The following MALRD1 variants were observed in gnomAD, a reference collection of about 807,000 sequenced individuals.
MALRD1 encodes MAM and LDL-receptor class A domain-containing protein 1.
A neutral mutation model predicts 242.1 loss-of-function variants in MALRD1; 247 were observed. The ratio of observed to expected loss-of-function variants is 1.02; its 90% CI spans 0.92 to 1.13. The LOEUF (loss-of-function observed/expected upper bound fraction) is 1.13, where lower values mean the gene tolerates loss of function less well. Ranked by LOEUF, MALRD1 falls within the 50% of genes most tolerant of loss-of-function variation. The probability of loss-of-function intolerance (pLI) is 0.00; values close to 1 mark genes in which losing one functional copy is unlikely to be tolerated. For synonymous variants in MALRD1, 995 were observed against 866.6 expected, an observed-to-expected ratio of 1.15 and a Z score of -2.60; for missense variants, 2,989 against 2,533.1, an observed-to-expected ratio of 1.18 and a Z score of -3.86.
chr10:19,396,031 T>G (rs1327443451), intron 28 of MALRD1, among the ~76,000 whole-genome samples: 3 of 152,184 alleles, frequency 2.0e-5, no homozygotes, highest in Non-Finnish European at 4.4e-5. Flanking sequence ...TTATCACTAT[T>G]ATTGTTGCCA....
intron 28 of MALRD1, among the ~76,000 whole-genome samples, chr10:19,437,387 T>G (rs776699761): frequency 6.6e-6 from 1 of 152,134 alleles, no homozygotes; most frequent in Non-Finnish European, 1.5e-5. Flanking sequence ...AGTAAATAAC[T>G]TCCAATTTCT....
Position 19,209,669 on chromosome 10 carries a change from C to T in MALRD1, c.2980C>T (p.Gln994Ter). The T allele has an allele frequency of 6.5e-7, 1 of 1,547,598 alleles. No individual in the cohort carries two copies. The highest frequency in any genetic ancestry group is 8.7e-7 in the Non-Finnish European group (1 of 1,145,290). ...IRKHLNISSRQPFQILVEASV... is the reference protein window; with the variant it reads ...IRKHLNISSR Reference sequence around the variant, plus strand: ...GAAACACCTCAACATTTCCAGCAGGCAGCCCTTTCAGGTATGGATAATAGA... The same window carrying T: ...GAAACACCTCAACATTTCCAGCAGGTAGCCCTTTCAGGTATGGATAATAGA... Residue 994 changes from glutamine to a stop codon, truncating the protein, a stop_gained, in exon 18 of 40, where the codon CAG (glutamine) becomes TAG (stop). Transcript: ENST00000454679. LOFTEE classifies it high-confidence loss of function.
chr10:19,583,876 C>G (rs1187827365), intron 33 of MALRD1, among the ~76,000 whole-genome samples: 2 of 152,072 alleles, frequency 1.3e-5, no homozygotes, highest in Non-Finnish European at 2.9e-5. Context: ...GGTTGGTAAG[C>G]TATTGATTAT....
chr10:19,210,213 C>A (rs2245151), intron 18 of MALRD1, among the ~76,000 whole-genome samples: 132,627 of 152,230 alleles, frequency 0.87, 57,931 homozygotes, highest in African/African-American at 0.94. Context: ...CAGTCTTATT[C>A]TAGCAAGCTC....
At chr10:19,183,364 T>A (rs575000580) in intron 14 of MALRD1, among the ~76,000 whole-genome samples, 18 of 152,156 alleles carry the variant, frequency 1.2e-4, no homozygotes, top group Admixed American at 4.6e-4. Context: ...GATTCTAATG[T>A]TGAACAAATG....
intron 8 of MALRD1, among the ~76,000 whole-genome samples, chr10:19,129,779 A>G (rs1444694649): frequency 6.7e-6 from 1 of 148,640 alleles, no homozygotes; most frequent in Non-Finnish European, 1.5e-5. Flanking sequence ...TAATATATTT[A>G]TTATTTTATG....
At chr10:19,537,884 T>G (rs1315582675) in intron 32 of MALRD1, among the ~76,000 whole-genome samples, 2 of 152,126 alleles carry the variant, frequency 1.3e-5, no homozygotes, top group Non-Finnish European at 2.9e-5. Flanking sequence ...TTCAGTCCAT[T>G]GCACAGGGAG....
At chr10:19,336,983 A>C (rs994799511) in intron 24 of MALRD1, among the ~76,000 whole-genome samples, 2 of 152,122 alleles carry the variant, frequency 1.3e-5, no homozygotes, top group Non-Finnish European at 2.9e-5. Flanking sequence ...AACAGAAAAA[A>C]TATCCTGTTC....
chr10:19,501,916 C>A (rs1837990145), intron 31 of MALRD1, among the ~76,000 whole-genome samples: 1 of 150,788 alleles, frequency 6.6e-6, no homozygotes, highest in Admixed American at 6.6e-5. Flanking sequence ...GTTGTCCCCA[C>A]TACTCGGGAG....
chr10:19,059,373 A>G (rs1041715255), intron 1 of MALRD1, among the ~76,000 whole-genome samples: 7 of 151,796 alleles, frequency 4.6e-5, no homozygotes, highest in Non-Finnish European at 1.0e-4. Context: ...CTAAAATAGC[A>G]TCTATTGTTT....
At chr10:19,539,908 GTGCGCGCACACA>G (rs781147059) in intron 32 of MALRD1, among the ~76,000 whole-genome samples, 1,193 of 23,954 alleles carry the variant, frequency 0.05, 45 homozygotes, top group South Asian at 0.078. Context: ...GCGCGCGCGC[GTGCGCGCACACA>G]CGCGCAGTGA....
chr10:19,464,609 T>C lies in MALRD1; in HGVS notation c.5029+14119T>C, dbSNP rs562239748. ...ACCACTACCATGCTGTTTTGGTGAC[T>C]ATGGCCATATAGTAAAGTTTGAAGT... is the stretch of plus-strand genomic sequence containing the variant. On this transcript the variant is annotated intron_variant, in intron 29 of 39. Transcript: ENST00000454679. Among the ~76,000 whole-genome samples, 5 of 152,320 alleles carry C rather than the reference T, an allele frequency of 3.3e-5. No homozygotes were observed. The East Asian group carries it at 9.6e-4, about 29-fold the overall frequency.
intron 33 of MALRD1, among the ~76,000 whole-genome samples, chr10:19,574,926 G>A (rs1564451896): frequency 6.6e-6 from 1 of 152,166 alleles, no homozygotes; most frequent in African/African-American, 2.4e-5. Context: ...ACTACTGGGC[G>A]TGTCTTTGAA....
intron 14 of MALRD1, among the ~76,000 whole-genome samples, chr10:19,182,555 C>T (rs1001292606): frequency 6.6e-6 from 1 of 151,792 alleles, no homozygotes; most frequent in African/African-American, 2.4e-5. Context: ...TGGTCTCGAT[C>T]TCCTGACCTC....
chr10:19,073,686 A>T (rs958752631), intron 2 of MALRD1, among the ~76,000 whole-genome samples: 2 of 152,138 alleles, frequency 1.3e-5, no homozygotes, highest in African/African-American at 4.8e-5. Context: ...AATATTTCAA[A>T]ATGTGAAAAA....
chr10:19,140,543 ATGTGTGTGTG>A (rs34024633), intron 10 of MALRD1, among the ~76,000 whole-genome samples: 6 of 147,086 alleles, frequency 4.1e-5, no homozygotes, highest in African/African-American at 1.3e-4. Flanking sequence ...GTGTGTGTGT[ATGTGTGTGTG>A]TGTGTGTGTG....
At chr10:19,531,066 T>TG (rs1834391556) in intron 31 of MALRD1, 128 bp from the exon 32 acceptor site, 1 of 757,374 alleles carries the variant, frequency 1.3e-6, no homozygotes, top group African/African-American at 1.8e-5. Context: ...ACTCCCAAAA[T>TG]CAAAATGAGT....
intron 36 of MALRD1, among the ~76,000 whole-genome samples, chr10:19,629,050 C>T (rs976022830): frequency 2.0e-5 from 3 of 152,150 alleles, no homozygotes; most frequent in African/African-American, 7.2e-5. Flanking sequence ...CTGGATTGTA[C>T]TCCAATCACA....
intron 28 of MALRD1, among the ~76,000 whole-genome samples, chr10:19,422,409 G>C (rs955286284): frequency 1.3e-5 from 2 of 152,120 alleles, no homozygotes; most frequent in African/African-American, 4.8e-5. Context: ...AAAACATAGA[G>C]TAACCAGAAG....
Sources: allele counts gnomAD v4.1 joint callset (sites outside exome capture counted in the v4.1 genomes callset), GRCh38; gene constraint gnomAD v4.1.1; transcripts MANE v1.5; gene names NCBI Gene and HGNC (gene_info 2026-07-23, HGNC 2026-07-21).